The following CACNA2D4 variants were observed in gnomAD, a reference collection of about 807,000 sequenced individuals.
The protein encoded by CACNA2D4 is calcium voltage-gated channel auxiliary subunit alpha2delta 4, also known as voltage-dependent calcium channel subunit alpha-2/delta-4.
A neutral mutation model predicts 163.8 loss-of-function variants in CACNA2D4; 157 were observed. That is an observed-to-expected ratio of 0.96 (90% confidence interval 0.84 to 1.09). The LOEUF is 1.09. Ranked by LOEUF, CACNA2D4 falls within the 50% of genes least tolerant of loss-of-function variation. The pLI is 0.00. For missense variants in CACNA2D4, 1,410 were observed against 1,479.9 expected (o/e 0.95, Z 0.78); for synonymous variants, 598 against 586.9 (o/e 1.02, Z -0.27).
At chr12:1,881,863 T>A (rs937476045) in intron 13 of CACNA2D4, among the ~76,000 whole-genome samples, 7 of 152,260 alleles carry the variant, frequency 4.6e-5, no homozygotes, top group Non-Finnish European at 7.3e-5. Flanking sequence ...ATGGCTTATG[T>A]CTACTATTAA....
At position 1,829,882 on chromosome 12, in the gene CACNA2D4, C is replaced by T. The variant is rs12827147; in HGVS notation, c.2551+10857G>A. The stretch of plus-strand genomic sequence containing the variant: ...TTGAATTCTTCCCAGTTCTCTTTCA[C>T]GATGAGCAGGCTTCTCTGCTACTCA... On this transcript the variant is annotated intron_variant, in intron 26 of 37. Transcript: ENST00000382722. The surrounding 1 kb of genome is among the most constrained non-coding windows in gnomAD (Gnocchi z 4.2). Among the ~76,000 whole-genome samples, 22,164 of 151,976 alleles carry T rather than the reference C, an allele frequency of 0.15. 1,927 individuals carry two copies. Among genetic ancestry groups the T allele is most frequent in the Non-Finnish European group, 0.19 (12,783 of 67,918 alleles).
chr12:1,816,598 C>T (rs1863881126), intron 26 of CACNA2D4, among the ~76,000 whole-genome samples: 1 of 152,208 alleles, frequency 6.6e-6, no homozygotes. Context: ...CGCAGCTCAG[C>T]TCCGCTGGCA....
rs751037016 is a variant in CACNA2D4, at chr12:1,875,294, C to T, written c.1763G>A (p.Ser588Asn). The part of the protein sequence containing the change: ...KKLKPKPNYN[S>N]VDLSEVEWED... Reference sequence around the variant, plus strand: ...CCACTCCACTTCGGAGAGATCCACACTGTTGTAGTTAGGTTTGGGTTTTAG... The same window carrying T: ...CCACTCCACTTCGGAGAGATCCACATTGTTGTAGTTAGGTTTGGGTTTTAG... Residue 588 changes from serine to asparagine, a missense_variant, in exon 17 of 38, where the codon AGT becomes AAT. By Grantham distance (46) the Ser-to-Asn change is conservative. Coordinates refer to ENST00000382722, the MANE Select transcript of CACNA2D4 (RefSeq NM_172364.5). This position sits in a 1 kb window ranked among gnomAD's most constrained non-coding sequence, Gnocchi z 4.0. 6.2e-7 allele frequency: 1 copy of T among 1,613,970 alleles called. No homozygotes were observed. The highest frequency in any genetic ancestry group is 8.5e-7 in the Non-Finnish European group (1 of 1,179,844).
rs1341281175 is a variant in CACNA2D4, at chr12:1,834,392, C to G, written c.2551+6347G>C. 1.2e-6 allele frequency: 2 copies of G among 1,613,002 alleles called. No homozygotes were observed. The highest frequency in any genetic ancestry group is 1.7e-6 in the Non-Finnish European group (2 of 1,180,018). On this transcript the variant is annotated intron_variant, in intron 26 of 37. Transcript: ENST00000382722. The surrounding 1 kb of genome is among the most constrained non-coding windows in gnomAD (Gnocchi z 7.6). The stretch of plus-strand genomic sequence containing the variant: ...GGAGGACGAGAATAGCTCAGCTGGG[C>G]TGGATATTCCTGGGCCACCCTGCAC...
chr12:1,856,308 C>A, intron 20 of CACNA2D4, 79 bp from the exon 21 acceptor site: 2 of 1,484,658 alleles, frequency 1.3e-6, no homozygotes, highest in Non-Finnish European at 1.9e-6. Context: ...AAACAGCCAC[C>A]CAGTGAGTTT....
intron 4 of CACNA2D4, among the ~76,000 whole-genome samples, chr12:1,909,148 C>T (rs12307771): frequency 0.036 from 5,519 of 152,270 alleles, 321 homozygotes; most frequent in African/African-American, 0.12. Flanking sequence ...GGGCCCAGGT[C>T]CCACTGTTTC....
At position 1,799,189 on chromosome 12, in the gene CACNA2D4, C is replaced by G. The variant is rs1431439448; in HGVS notation, c.2995+486G>C. Among the ~76,000 whole-genome samples the G allele has an allele frequency of 6.6e-6, 1 of 152,206 alleles. No individual in the cohort carries two copies. Among genetic ancestry groups the G allele is most frequent in the African/African-American group, 2.4e-5 (1 of 41,450 alleles). On this transcript the variant is annotated intron_variant, in intron 34 of 37. Transcript: ENST00000382722. The surrounding 1 kb of genome is among the most constrained non-coding windows in gnomAD (Gnocchi z 4.7). Reference sequence around the variant, plus strand: ...GCTCATTGCCGCCCTGCACGTGTGGCCACAGCCACCGGGCTTTGTGTTGGG... The same window carrying G: ...GCTCATTGCCGCCCTGCACGTGTGGGCACAGCCACCGGGCTTTGTGTTGGG...
In CACNA2D4 at chr12:1,827,731, A is replaced by G. The variant is rs115389877; in HGVS notation, c.2551+13008T>C. 1,426 of 168,758 alleles carry G rather than the reference A, an allele frequency of 8.4e-3. 27 individuals are homozygous for G. Among genetic ancestry groups the G allele is most frequent in the African/African-American group, 0.032 (1,360 of 42,270 alleles). The allele number at this position is 168,758 out of a possible 1,614,324, so 10.5% of individuals were successfully genotyped here. ...AGTTTCTCCACCCATAACTCAAGGA[A>G]TGCCCAGATGGGAGACCAGGTTGCC... On this transcript the variant is annotated intron_variant, in intron 26 of 37. Transcript: ENST00000382722.
chr12:1,879,150 G>A lies in CACNA2D4; in HGVS notation c.1564-114C>T, dbSNP rs940740935. The A allele has an allele frequency of 3.6e-5, 26 of 722,258 alleles. No individual in the cohort carries two copies. In the Admixed American group the frequency reaches 5.9e-4, roughly 16 times the overall value. 44.7% of individuals were successfully genotyped at this position (722,258 alleles called of 1,614,324 possible). A position where few individuals can be genotyped will look rare whatever the true frequency, so the allele number is the denominator to read the frequency against. On this transcript the variant is annotated intron_variant, in intron 14 of 37. Transcript: ENST00000382722. Reference sequence around the variant, plus strand: ...GAGGAAGCCACTTAGGCTTTAAGTGGTTCTTCCTCTGCAATTAGATTCTAG... The same window carrying A: ...GAGGAAGCCACTTAGGCTTTAAGTGATTCTTCCTCTGCAATTAGATTCTAG...
Position 1,882,941 on chromosome 12 carries a change from G to T in CACNA2D4, c.1411C>A (p.His471Asn). 2 of 1,613,584 alleles carry T rather than the reference G, an allele frequency of 1.2e-6. No homozygotes were observed. The highest frequency in any genetic ancestry group is 1.7e-6 in the Non-Finnish European group (2 of 1,179,734). The part of the protein sequence containing the change: ...DTQENVMEYL[H>N]VLSRPMVINH... Reference sequence around the variant, plus strand: ...ATGACCATGGGGCGGCTGAGCACGTGCAGGTATTCCATCACGTTCTCCTGG... The same window carrying T: ...ATGACCATGGGGCGGCTGAGCACGTTCAGGTATTCCATCACGTTCTCCTGG... The change falls in exon 13 of 38, where the codon CAC (histidine) becomes AAC (asparagine). Residue 471 changes from histidine to asparagine, a missense_variant. His to Asn is a moderately conservative substitution (Grantham distance 68). Transcript: ENST00000382722.
intron 23 of CACNA2D4, among the ~76,000 whole-genome samples, chr12:1,850,607 A>T (rs911126380): frequency 2.6e-5 from 4 of 151,524 alleles, no homozygotes; most frequent in East Asian, 1.9e-4. Flanking sequence ...TCTTTTTTTT[A>T]AAAAAAGATG....
chr12:1,796,358 G>T (rs907839286), intron 35 of CACNA2D4, among the ~76,000 whole-genome samples: 1 of 152,250 alleles, frequency 6.6e-6, no homozygotes, highest in Non-Finnish European at 1.5e-5. Flanking sequence ...GCACACCACA[G>T]CCGTGTATAC....
chr12:1,814,146 C>T (rs1395535497), intron 26 of CACNA2D4, among the ~76,000 whole-genome samples: 6 of 152,172 alleles, frequency 3.9e-5, no homozygotes, highest in South Asian at 4.1e-4. Flanking sequence ...CACATTATTC[C>T]TAGAATGAGA....
chr12:1,891,532 G>A (rs1290949715), intron 6 of CACNA2D4, among the ~76,000 whole-genome samples: 1 of 151,830 alleles, frequency 6.6e-6, no homozygotes. Flanking sequence ...GAAAAAGCAA[G>A]GAAATACGAC....
intron 26 of CACNA2D4, chr12:1,835,593 C>T (rs1350768923): frequency 6.5e-6 from 1 of 152,684 alleles, no homozygotes; most frequent in African/African-American, 2.4e-5. Context: ...ACCAGTAACA[C>T]CAGGATCCTT....
intron 1 of CACNA2D4, among the ~76,000 whole-genome samples, chr12:1,916,829 C>T (rs1296592080): frequency 6.6e-6 from 1 of 151,958 alleles, no homozygotes; most frequent in South Asian, 2.1e-4. Context: ...AGAGGTTCGG[C>T]GGGAGTGAGG....
Position 1,878,851 on chromosome 12 carries a change from C to A in CACNA2D4, c.1644+105G>T. Reference sequence around the variant, plus strand: ...CTTGGGCAGTGATGGAGGGGCCCCACCCCAGCTCTGGGCTTGGCTTGCCTG... The same window carrying A: ...CTTGGGCAGTGATGGAGGGGCCCCAACCCAGCTCTGGGCTTGGCTTGCCTG... On this transcript the variant is annotated intron_variant, in intron 15 of 37. Coordinates refer to ENST00000382722, the MANE Select transcript of CACNA2D4 (RefSeq NM_172364.5). This position sits in a 1 kb window ranked among gnomAD's most constrained non-coding sequence, Gnocchi z 4.6. The A allele has an allele frequency of 9.0e-7, 1 of 1,117,118 alleles. No homozygotes were observed. The highest frequency in any genetic ancestry group is 1.3e-6 in the Non-Finnish European group (1 of 776,274). The allele number at this position is 1,117,118 out of a possible 1,614,324, so 69.2% of individuals were successfully genotyped here. A position where few individuals can be genotyped will look rare whatever the true frequency, so the allele number is the denominator to read the frequency against.
In CACNA2D4 at chr12:1,918,397, G is replaced by T; in HGVS notation, c.77C>A (p.Ala26Glu). ...PTMPATPNFLANPSSSSRWIP... is the reference protein window; with the variant it reads ...PTMPATPNFLENPSSSSRWIP... ...CCAGCGGCTGCTGGAGCTGGGGTTT[G>T]CGAGGAAGTTGGGAGTTGCAGGCAT... The change falls in exon 1 of 38, where the codon GCA becomes GAA. Residue 26 changes from alanine (A) to glutamate (E), a missense_variant. Transcript: ENST00000382722. 3 of 1,599,824 alleles carry T rather than the reference G, an allele frequency of 1.9e-6. No homozygotes were observed. The South Asian group carries it at 3.4e-5, about 18-fold the overall frequency.
At chr12:1,818,900 C>T (rs1863984242) in intron 26 of CACNA2D4, among the ~76,000 whole-genome samples, 1 of 150,020 alleles carries the variant, frequency 6.7e-6, no homozygotes, top group African/African-American at 2.5e-5. Flanking sequence ...CCTTTGTTCA[C>T]ATGTTTATCT....
Sources: allele counts gnomAD v4.1 joint callset (sites outside exome capture counted in the v4.1 genomes callset), GRCh38; gene constraint gnomAD v4.1.1; non-coding constraint Gnocchi (gnomAD v3.1); transcripts MANE v1.5; gene names NCBI Gene and HGNC (gene_info 2026-07-23, HGNC 2026-07-21).